XPO1: variants seen among roughly 807,000 people sequenced by gnomAD.
XPO1 encodes exportin-1.
Under a neutral mutation model 133.3 loss-of-function variants are expected in XPO1, and 5 were observed. The ratio of observed to expected loss-of-function variants is 0.04; its 90% CI spans 0.02 to 0.08. The LOEUF is 0.08. Among genes scored for constraint, XPO1 ranks in the 10% least tolerant of loss-of-function variants. XPO1 has a pLI of 1.00. For missense variants in XPO1, 506 were observed against 1,267.5 expected (o/e 0.40, Z 9.12); for synonymous variants, 419 against 408.2 (o/e 1.03, Z -0.32).
At chr2:61,514,345 C>A (rs1698249235) in intron 4 of XPO1, among the ~76,000 whole-genome samples, 1 of 152,072 alleles carries the variant, frequency 6.6e-6, no homozygotes, top group South Asian at 2.1e-4. Flanking sequence ...GTAATCCCAG[C>A]ACTTTGGGAG....
intron 21 of XPO1, chr2:61,483,530 CTGT>C (rs1696509658): frequency 5.3e-6 from 1 of 187,038 alleles, no homozygotes; most frequent in Admixed American, 6.1e-5. Context: ...CAAAAACCAC[CTGT>C]TCCCCAAAAA....
intron 10 of XPO1, 96 bp from the exon 11 acceptor site, chr2:61,495,709 C>A: frequency 1.6e-6 from 2 of 1,265,076 alleles, no homozygotes; most frequent in Non-Finnish European, 2.1e-6. Context: ...AGGTATCACT[C>A]TGTCCAGGCT....
intron 4 of XPO1, among the ~76,000 whole-genome samples, chr2:61,506,685 T>C (rs1697835254): frequency 7.0e-6 from 1 of 142,036 alleles, no homozygotes; most frequent in African/African-American, 2.6e-5. Context: ...AGACTCCACC[T>C]CAAATAAATA....
chr2:61,483,715 A>G (rs1202258680), intron 21 of XPO1: 1 of 479,502 alleles, frequency 2.1e-6, no homozygotes, highest in Admixed American at 4.0e-5. Flanking sequence ...ACGCAAACCA[A>G]TTATTACTAG....
intron 3 of XPO1, 200 bp downstream of exon 3, chr2:61,526,220 G>C: frequency 7.2e-7 from 1 of 1,380,128 alleles, no homozygotes; most frequent in Non-Finnish European, 9.3e-7. Flanking sequence ...TTGCATACTA[G>C]TCCCATTACA....
chr2:61,490,521 C>G lies in XPO1; in HGVS notation c.2022+121G>C, dbSNP rs979689742. Reference sequence around the variant, plus strand: ...GCCCAGATAATAAATTATAGAAAGACACACATAAAAGCACTTATGGATCAC... The same window carrying G: ...GCCCAGATAATAAATTATAGAAAGAGACACATAAAAGCACTTATGGATCAC... On this transcript the variant is annotated intron_variant, in intron 17 of 24. Transcript: ENST00000401558. The G allele has an allele frequency of 8.1e-6, 11 of 1,355,598 alleles. No individual in the cohort carries two copies. In the African/African-American group the frequency reaches 1.6e-4, roughly 20 times the overall value. 84.0% of individuals were successfully genotyped at this position (1,355,598 alleles called of 1,614,324 possible). A position where few individuals can be genotyped will look rare whatever the true frequency, so the allele number is the denominator to read the frequency against.
chr2:61,528,756 T>G (rs1409556861), intron 2 of XPO1, among the ~76,000 whole-genome samples: 1 of 24,814 alleles, frequency 4.0e-5, no homozygotes, highest in Non-Finnish European at 9.8e-5. Flanking sequence ...TATATATATA[T>G]ATATATATAT....
chr2:61,481,332 C>A, intron 23 of XPO1, 51 bp from the exon 24 acceptor site: 1 of 1,420,552 alleles, frequency 7.0e-7, no homozygotes, highest in Non-Finnish European at 9.7e-7. Flanking sequence ...TCCCCCGAGA[C>A]AGAGTATTGC....
chr2:61,509,463 C>G (rs1481141392), intron 4 of XPO1, among the ~76,000 whole-genome samples: 1 of 151,976 alleles, frequency 6.6e-6, no homozygotes, highest in Non-Finnish European at 1.5e-5. Context: ...CCTGTCTCTA[C>G]TAAAACTACA....
chr2:61,525,489 T>C, intron 3 of XPO1: 2 of 1,009,096 alleles, frequency 2.0e-6, no homozygotes, highest in Non-Finnish European at 2.4e-6. Flanking sequence ...AAGAATTCTT[T>C]ACCTGTTGCT....
At chr2:61,505,597 A>AC (rs151321563) in intron 4 of XPO1, among the ~76,000 whole-genome samples, 1,839 of 151,578 alleles carry the variant, frequency 0.012, 39 homozygotes, top group African/African-American at 0.042. Context: ...GCCTCACTGT[A>AC]CCCCAGATTG....
At chr2:61,494,733 G>A (rs886086003) in intron 11 of XPO1, 1 of 150,832 alleles carries the variant, frequency 6.6e-6, no homozygotes, top group Non-Finnish European at 1.5e-5. Flanking sequence ...GTATAACATT[G>A]TATATATACT....
At chr2:61,515,937 C>CCACACACACACACACACACA (rs35237510) in intron 4 of XPO1, among the ~76,000 whole-genome samples, 3 of 110,760 alleles carry the variant, frequency 2.7e-5, no homozygotes, top group African/African-American at 7.8e-5. Context: ...AAAAAAAAAA[C>CCACACACACACACACACACA]CACACACACA....
chr2:61,508,621 T>C (rs1436472183), intron 4 of XPO1, among the ~76,000 whole-genome samples: 1 of 152,196 alleles, frequency 6.6e-6, no homozygotes, highest in Non-Finnish European at 1.5e-5. Context: ...CAGAAACACC[T>C]TGTAAACACT....
chr2:61,512,510 G>A (rs1698144729), intron 4 of XPO1, among the ~76,000 whole-genome samples: 1 of 152,198 alleles, frequency 6.6e-6, no homozygotes, highest in Non-Finnish European at 1.5e-5. Context: ...TTTGAACTGG[G>A]CTTTGACTAG....
chr2:61,538,566 TGGA>T, upstream of XPO1: 1 of 151,070 alleles, frequency 6.6e-6, no homozygotes, highest in Non-Finnish European at 1.5e-5. Flanking sequence ...AGGAGAGGGG[TGGA>T]GGAGGAGGAG....
intron 19 of XPO1, 96 bp from the exon 20 acceptor site, chr2:61,486,058 T>G: frequency 1.7e-6 from 2 of 1,152,166 alleles, no homozygotes; most frequent in Non-Finnish European, 2.4e-6. Context: ...TGTAGCATGA[T>G]CATCTACTGA....
chr2:61,492,401 A>T lies in XPO1; in HGVS notation c.1647T>A (p.Gly549=), dbSNP rs1697042407. The T allele has an allele frequency of 6.2e-7, 1 of 1,610,414 alleles. No homozygotes were observed. The highest frequency in any genetic ancestry group is 1.3e-5 in the African/African-American group (1 of 74,704). Residue 549 remains glycine, a synonymous_variant, in exon 15 of 25, where the codon GGT becomes GGA. Coordinates refer to ENST00000401558, the MANE Select transcript of XPO1 (RefSeq NM_003400.4). This position sits in a 1 kb window ranked among gnomAD's most constrained non-coding sequence, Gnocchi z 5.6. ...IIASNIMYIV[G]QYPRFLRAHW... ...GAGCTCTCAAAAAACGTGGGTATTG[A>T]CCTACTATGTACATGATATTTGATG... is the stretch of plus-strand genomic sequence containing the variant.
At chr2:61,519,271 T>A (rs1698566651) in intron 4 of XPO1, among the ~76,000 whole-genome samples, 1 of 152,160 alleles carries the variant, frequency 6.6e-6, no homozygotes. Flanking sequence ...TTTAAAATTT[T>A]ATTCTCCTGT....
Sources: allele counts gnomAD v4.1 joint callset (sites outside exome capture counted in the v4.1 genomes callset), GRCh38; gene constraint gnomAD v4.1.1; non-coding constraint Gnocchi (gnomAD v3.1); transcripts MANE v1.5; gene names NCBI Gene and HGNC (gene_info 2026-07-23, HGNC 2026-07-21).